The following KCNN4 variants were observed in gnomAD, a reference collection of about 807,000 sequenced individuals.
KCNN4 encodes intermediate conductance calcium-activated potassium channel protein 4.
KCNN4 carries 31 observed loss-of-function variants against 45.2 expected under a neutral mutation model. The observed-to-expected ratio is 0.69, with a 90% CI of 0.52 to 0.92. The LOEUF (loss-of-function observed/expected upper bound fraction) is 0.92, where lower values mean the gene tolerates loss of function less well. Among genes scored for constraint, KCNN4 ranks in the 40% least tolerant of loss-of-function variants. The pLI, the probability that KCNN4 is intolerant of heterozygous loss-of-function variation, is 0.00. For synonymous variants in KCNN4, 231 were observed against 254.6 expected, an observed-to-expected ratio of 0.91 and a Z score of 0.88; for missense variants, 463 against 574.0, an observed-to-expected ratio of 0.81 and a Z score of 1.98.
chr19:43,769,350 G>T lies in KCNN4; in HGVS notation c.1049+92C>A, dbSNP rs756457137. On this transcript the variant is annotated intron_variant, in intron 6 of 8. Transcript: ENST00000648319. This position sits in a 1 kb window ranked among gnomAD's most constrained non-coding sequence, Gnocchi z 4.4. ...GACCACACCTGGGTGTCCTGACCTG[G>T]ACAGGCATGGACATGCACACACACA... is the stretch of plus-strand genomic sequence containing the variant. 5 of 1,014,176 alleles carry T rather than the reference G, an allele frequency of 4.9e-6. No individual in the cohort carries two copies. The highest frequency in any genetic ancestry group is 7.7e-6 in the Non-Finnish European group (5 of 652,986). 62.8% of individuals were successfully genotyped at this position (1,014,176 alleles called of 1,614,324 possible).
At chr19:43,771,685 TTTTTA>T (rs1488944723) in intron 4 of KCNN4, among the ~76,000 whole-genome samples, 1 of 152,000 alleles carries the variant, frequency 6.6e-6, no homozygotes, top group Non-Finnish European at 1.5e-5. Context: ...TAGGTCTGAT[TTTTTA>T]TTTTATTTTT....
intron 1 of KCNN4, among the ~76,000 whole-genome samples, chr19:43,780,479 C>T (rs556487752): frequency 8.8e-6 from 1 of 113,078 alleles, no homozygotes. Flanking sequence ...CTCCCTCAGA[C>T]CCAGGAGTCC....
Position 43,774,159 on chromosome 19 carries a change from C to T in KCNN4, c.683+33G>A. ...CGGCCGCCGTGGCTGTCCGGGGTTC[C>T]CCCCTGCGCATTTATGCCTCCATCA... On this transcript the variant is annotated intron_variant, in intron 3 of 8. Coordinates refer to ENST00000648319, the MANE Select transcript of KCNN4 (RefSeq NM_002250.3). The surrounding 1 kb of genome is among the most constrained non-coding windows in gnomAD (Gnocchi z 5.6). 6.3e-7 allele frequency: 1 copy of T among 1,579,484 alleles called. No individual in the cohort carries two copies.
chr19:43,775,825 A>G (rs1313246548), intron 2 of KCNN4, among the ~76,000 whole-genome samples: 2 of 151,838 alleles, frequency 1.3e-5, no homozygotes, highest in African/African-American at 4.8e-5. Flanking sequence ...GGTGATTAGG[A>G]GTGGGCACCC....
rs576653898 is a variant in KCNN4, at chr19:43,773,258, C to T, written c.683+934G>A. ...GTTGCAGGGAGCAGAGATTGTGCCACTGCACGCTAGCCTGGATAATTGAGA... is the reference window on the plus strand; with the variant it reads ...GTTGCAGGGAGCAGAGATTGTGCCATTGCACGCTAGCCTGGATAATTGAGA... On this transcript the variant is annotated intron_variant, in intron 3 of 8. Coordinates refer to ENST00000648319, the MANE Select transcript of KCNN4 (RefSeq NM_002250.3). Among the ~76,000 whole-genome samples, 9 of 152,360 alleles carry T rather than the reference C, an allele frequency of 5.9e-5. No individual in the cohort carries two copies. In the South Asian group the frequency reaches 1.9e-3, roughly 32 times the overall value.
chr19:43,771,586 G>C lies in KCNN4; in HGVS notation c.819+414C>G, dbSNP rs546851948. On this transcript the variant is annotated intron_variant, in intron 4 of 8. Transcript: ENST00000648319. ...TTTCCCAGTTCTGGAAGAAAATGGGGCTGCGAAGTCAGGAGCCTGGGTCCC... is the reference window on the plus strand; with the variant it reads ...TTTCCCAGTTCTGGAAGAAAATGGGCCTGCGAAGTCAGGAGCCTGGGTCCC... Among the ~76,000 whole-genome samples the C allele has an allele frequency of 3.5e-3, 540 of 152,276 alleles. 2 individuals are homozygous for C. The highest frequency in any genetic ancestry group is 0.013 in the African/African-American group (520 of 41,552).
rs199514640 is a variant in KCNN4 at position 43,780,855 on chromosome 19, C to T, written c.7G>A (p.Gly3Arg). MG[G>R]DLVLGLGALR... is the part of the protein sequence containing the mutation. ...GCCCCCAGGCCAAGCACCAGATCCC[C>T]GCCCATGGCCCCCGGGGTCTTGGGG... The change falls in exon 1 of 9, where the codon GGG becomes AGG. Residue 3 changes from glycine to arginine, a missense_variant. Physicochemically the swap from Gly to Arg is moderately radical, Grantham distance 125 (BLOSUM62 -2). Transcript: ENST00000648319. The T allele has an allele frequency of 4.5e-5, 72 of 1,613,788 alleles. No individual in the cohort carries two copies. Among genetic ancestry groups the T allele is most frequent in the East Asian group, 6.7e-5 (3 of 44,876 alleles).
chr19:43,767,481 G>T (rs1013183705), intron 8 of KCNN4, 59 bp downstream of exon 8: 1 of 1,571,154 alleles, frequency 6.4e-7, no homozygotes, highest in African/African-American at 1.3e-5. Context: ...CACATAGGGT[G>T]CTGGCCACAG....
At chr19:43,776,788 T>A (rs1402996407) in intron 1 of KCNN4, 152 bp from the exon 2 acceptor site, 2 of 622,770 alleles carry the variant, frequency 3.2e-6, no homozygotes, top group Non-Finnish European at 5.9e-6. Context: ...ATGTGTCGGT[T>A]CTGGAGAAGT....
At chr19:43,768,785 G>C (rs1413833513) in intron 7 of KCNN4, among the ~76,000 whole-genome samples, 178 bp downstream of exon 7, 1 of 151,696 alleles carries the variant, frequency 6.6e-6, no homozygotes, top group Non-Finnish European at 1.5e-5. Flanking sequence ...TTTCATGAAT[G>C]TAAGAAGCTC....
intron 7 of KCNN4, among the ~76,000 whole-genome samples, chr19:43,768,544 G>A (rs868104081): frequency 2.6e-5 from 4 of 152,198 alleles, no homozygotes; most frequent in African/African-American, 4.8e-5. Flanking sequence ...TGAGTTTTAC[G>A]GAAACAATGT....
chr19:43,769,887 C>G lies in KCNN4; in HGVS notation c.820-58G>C. Reference sequence around the variant, plus strand: ...TGTGCCACCGACTCCCTCCTTGAACCCGCCCAACAGCCACAGACGGTAGGC... The same window carrying G: ...TGTGCCACCGACTCCCTCCTTGAACGCGCCCAACAGCCACAGACGGTAGGC... On this transcript the variant is annotated intron_variant, in intron 4 of 8. Transcript: ENST00000648319. This position sits in a 1 kb window ranked among gnomAD's most constrained non-coding sequence, Gnocchi z 4.4. 8.1e-7 allele frequency: 1 copy of G among 1,240,068 alleles called. No individual in the cohort carries two copies. The highest frequency in any genetic ancestry group is 1.2e-6 in the Non-Finnish European group (1 of 862,678). The allele number at this position is 1,240,068 out of a possible 1,614,324, so 76.8% of individuals were successfully genotyped here.
In KCNN4 at chr19:43,769,271, A is replaced by G; in HGVS notation, c.1049+171T>C. 1.5e-6 allele frequency: 1 copy of G among 679,120 alleles called. No individual in the cohort carries two copies. Among genetic ancestry groups the G allele is most frequent in the South Asian group, 1.7e-5 (1 of 58,442 alleles). 42.1% of individuals were successfully genotyped at this position (679,120 alleles called of 1,614,324 possible). ...GAGATATGCGGAGACAAACCAGCAC[A>G]GACACATAGAGTCATGCACGGTCAG... On this transcript the variant is annotated intron_variant, in intron 6 of 8. Transcript: ENST00000648319. The surrounding 1 kb of genome is among the most constrained non-coding windows in gnomAD (Gnocchi z 4.4).
chr19:43,776,290 A>G (rs148866596), intron 2 of KCNN4, among the ~76,000 whole-genome samples: 13 of 150,948 alleles, frequency 8.6e-5, no homozygotes, highest in African/African-American at 3.2e-4. Context: ...CAGGGCTGCA[A>G]GGGCACTCTC....
rs753004797 is a variant in KCNN4, at chr19:43,769,581, G to T, written c.931-21C>A. On this transcript the variant is annotated intron_variant, in intron 5 of 8. Coordinates refer to ENST00000648319, the MANE Select transcript of KCNN4 (RefSeq NM_002250.3). The surrounding 1 kb of genome is among the most constrained non-coding windows in gnomAD (Gnocchi z 4.4). ...TTCATCTGGGGGTGGGTGGCACAGT[G>T]TCCGTGGAGATAGACCCTTACGGTT... The T allele has an allele frequency of 5.6e-6, 9 of 1,605,462 alleles. No individual in the cohort carries two copies. Among genetic ancestry groups the T allele is most frequent in the Non-Finnish European group, 7.7e-6 (9 of 1,172,170 alleles).
In KCNN4 at chr19:43,774,090, A is replaced by G; in HGVS notation, c.683+102T>C. 8.1e-7 allele frequency: 1 copy of G among 1,228,468 alleles called. No individual in the cohort carries two copies. Among genetic ancestry groups the G allele is most frequent in the Non-Finnish European group, 1.1e-6 (1 of 889,466 alleles). 76.1% of individuals were successfully genotyped at this position (1,228,468 alleles called of 1,614,324 possible). A position where few individuals can be genotyped will look rare whatever the true frequency, so the allele number is the denominator to read the frequency against. On this transcript the variant is annotated intron_variant, in intron 3 of 8. Coordinates refer to ENST00000648319, the MANE Select transcript of KCNN4 (RefSeq NM_002250.3). This position sits in a 1 kb window ranked among gnomAD's most constrained non-coding sequence, Gnocchi z 5.6. ...AGGGGTCAAAGTGTGAACTTTCTCC[A>G]CTGCTTGGTCCTAGGGGGCCTCAAC...
chr19:43,779,012 A>G (rs1969894869), intron 1 of KCNN4, among the ~76,000 whole-genome samples: 1 of 152,160 alleles, frequency 6.6e-6, no homozygotes. Flanking sequence ...TAGGCAACAA[A>G]GCAAGGTCCC....
intron 7 of KCNN4, among the ~76,000 whole-genome samples, chr19:43,768,675 C>T (rs1258486186): frequency 2.0e-5 from 3 of 151,852 alleles, no homozygotes; most frequent in Non-Finnish European, 4.4e-5. Flanking sequence ...ATTTTATATC[C>T]GTCCACATGT....
At position 43,772,754 on chromosome 19, in the gene KCNN4, C is replaced by A. The variant is rs774441592; in HGVS notation, c.684-619G>T. ...CAAGACCAGCAGGGAAAGCTTCATTCATGAGGGCCCCTGACACCCCAGACC... is the reference window on the plus strand; with the variant it reads ...CAAGACCAGCAGGGAAAGCTTCATTAATGAGGGCCCCTGACACCCCAGACC... On this transcript the variant is annotated intron_variant, in intron 3 of 8. Coordinates refer to ENST00000648319, the MANE Select transcript of KCNN4 (RefSeq NM_002250.3). This position sits in a 1 kb window ranked among gnomAD's most constrained non-coding sequence, Gnocchi z 4.4. Among the ~76,000 whole-genome samples the A allele has an allele frequency of 6.6e-6, 1 of 152,172 alleles. No individual in the cohort carries two copies. The highest frequency in any genetic ancestry group is 1.5e-5 in the Non-Finnish European group (1 of 68,034).
Sources: gnomAD v4.1 joint callset for allele counts (sites outside exome capture counted in the v4.1 genomes callset) on GRCh38, gnomAD v4.1.1 for gene constraint, Gnocchi (gnomAD v3.1) non-coding constraint, MANE v1.5 for transcripts, NCBI Gene and HGNC (gene_info 2026-07-23, HGNC 2026-07-21) for gene names.